The following DIDO1 variants were observed in gnomAD, a reference collection of about 807,000 sequenced individuals.
The protein encoded by DIDO1 is death inducer-obliterator 1.
In DIDO1, 16 loss-of-function variants were observed where a neutral mutation model predicts 99.4. The observed-to-expected ratio is 0.16, with a 90% CI of 0.11 to 0.24. The LOEUF is 0.24. Among genes scored for constraint, DIDO1 ranks in the 10% least tolerant of loss-of-function variants. DIDO1 has a pLI of 1.00. For missense variants in DIDO1, 2,996 were observed against 3,014.0 expected, an observed-to-expected ratio of 0.99 and a Z score of 0.14; for synonymous variants, 1,366 against 1,239.1, an observed-to-expected ratio of 1.10 and a Z score of -2.15.
In DIDO1 at chr20:62,911,549, C is replaced by T. The variant is rs1472940093; in HGVS notation, c.64G>A (p.Glu22Lys). ...CGAAAACCCCATGTTTTCCTGAACT[C>T]TTTGCTGGTGGGTTTGATGGCCTTA... ...APKAIKPTSKEFRKTWGFRRT... is the reference protein window; with the variant it reads ...APKAIKPTSKKFRKTWGFRRT... Residue 22 changes from glutamate (E) to lysine (K), a missense_variant, in exon 3 of 16, where the codon GAG (glutamate) becomes AAG (lysine). Physicochemically the swap from Glu to Lys is moderately conservative, Grantham distance 56 (BLOSUM62 1). Around this residue, in one of 5 missense-constraint regions of DIDO1, gnomAD observed 388 missense variants for 376.6 expected, o/e 1.03. Transcript: ENST00000395343. This position sits in a 1 kb window ranked among gnomAD's most constrained non-coding sequence, Gnocchi z 7.0. 1 of 1,611,524 alleles carries T rather than the reference C, an allele frequency of 6.2e-7. No individual in the cohort carries two copies. The highest frequency in any genetic ancestry group is 8.5e-7 in the Non-Finnish European group (1 of 1,178,776).
chr20:62,933,039 C>T (rs920976956), intron 1 of DIDO1, among the ~76,000 whole-genome samples: 21 of 152,254 alleles, frequency 1.4e-4, no homozygotes, highest in African/African-American at 5.1e-4. Flanking sequence ...ATGAAGAAAC[C>T]CCATCTCTAC....
chr20:62,882,182 A>G lies in DIDO1; in HGVS notation c.3774T>C (p.Pro1258=), dbSNP rs1568827153. The change falls in exon 16 of 16, where the codon CCT becomes CCC. Residue 1258 remains proline (P), a synonymous_variant. Coordinates refer to ENST00000395343, the MANE Select transcript of DIDO1 (RefSeq NM_001193369.2). ...GAGGGGGCGGAGGCGGCGGCGACCC[A>G]GGAGGTGTGGTGCTGACAGCCGCGT... ...SADAAVSTTP[P]GSPPPPPPLP... is the part of the protein sequence containing the mutation. 2 of 1,613,416 alleles carry G rather than the reference A, an allele frequency of 1.2e-6. No homozygotes were observed. Among genetic ancestry groups the G allele is most frequent in the Non-Finnish European group, 1.7e-6 (2 of 1,180,018 alleles).
intron 6 of DIDO1, among the ~76,000 whole-genome samples, chr20:62,902,276 A>G (rs184486964): frequency 6.6e-6 from 1 of 152,352 alleles, no homozygotes; most frequent in Admixed American, 6.5e-5. Flanking sequence ...ACTTAAAAAT[A>G]ACAAAAGAAT....
At chr20:62,905,472 G>C in intron 6 of DIDO1, 1 of 1,542,600 alleles carries the variant, frequency 6.5e-7, no homozygotes, top group South Asian at 1.2e-5. Flanking sequence ...TGGACAATGT[G>C]GAAAAACTGA....
At chr20:62,915,381 G>A (rs2065019878) in intron 1 of DIDO1, among the ~76,000 whole-genome samples, 2 of 152,066 alleles carry the variant, frequency 1.3e-5, no homozygotes, top group Non-Finnish European at 2.9e-5. Flanking sequence ...TCTTCAATGT[G>A]GTAAAACTAT....
At chr20:62,905,593 T>C (rs1300882494) in intron 6 of DIDO1, 2 of 1,551,184 alleles carry the variant, frequency 1.3e-6, no homozygotes, top group Non-Finnish European at 1.7e-6. Context: ...TACGAATACT[T>C]ACCAGAGCCT....
At position 62,911,241 on chromosome 20, in the gene DIDO1, G is replaced by T; in HGVS notation, c.372C>A (p.Gly124=). 6.2e-7 allele frequency: 1 copy of T among 1,613,358 alleles called. No homozygotes were observed. The highest frequency in any genetic ancestry group is 2.2e-5 in the East Asian group (1 of 44,870). The part of the protein sequence containing the change: ...SVESASETRS[G]PQSASTAVKE... The stretch of plus-strand genomic sequence containing the variant: ...TCACAGCTGTGGAAGCAGACTGGGG[G>T]CCGCTTCTGGTCTCAGAAGCGCTTT... Residue 124 remains glycine, a synonymous_variant, in exon 3 of 16, where the codon GGC becomes GGA. Coordinates refer to ENST00000395343, the MANE Select transcript of DIDO1 (RefSeq NM_001193369.2). The surrounding 1 kb of genome is among the most constrained non-coding windows in gnomAD (Gnocchi z 7.0).
chr20:62,879,208 A>G lies in DIDO1; in HGVS notation c.*25T>C. 2 of 1,461,410 alleles carry G rather than the reference A, an allele frequency of 1.4e-6. No individual in the cohort carries two copies. Among genetic ancestry groups the G allele is most frequent in the Non-Finnish European group, 1.8e-6 (2 of 1,112,084 alleles). 90.5% of individuals were successfully genotyped at this position (1,461,410 alleles called of 1,614,324 possible). ...CGCATCTTACGAACGTGGCTTTAAAAAGGGTCTCTGCCCGGCCGGGGCGTC... is the reference window on the plus strand; with the variant it reads ...CGCATCTTACGAACGTGGCTTTAAAGAGGGTCTCTGCCCGGCCGGGGCGTC... On this transcript the variant is annotated 3_prime_UTR_variant, in exon 16 of 16. Coordinates refer to ENST00000395343, the MANE Select transcript of DIDO1 (RefSeq NM_001193369.2). The surrounding 1 kb of genome is among the most constrained non-coding windows in gnomAD (Gnocchi z 6.3).
intron 1 of DIDO1, among the ~76,000 whole-genome samples, chr20:62,924,563 T>A (rs2065217340): frequency 6.6e-6 from 1 of 152,122 alleles, no homozygotes; most frequent in Non-Finnish European, 1.5e-5. Context: ...ACTCACAGTA[T>A]CAACAGCAGA....
At chr20:62,936,813 G>A (rs1287712938) in intron 1 of DIDO1, among the ~76,000 whole-genome samples, 1 of 152,230 alleles carries the variant, frequency 6.6e-6, no homozygotes, top group African/African-American at 2.4e-5. Flanking sequence ...GCAGTGAGCC[G>A]AGATGGCGCC....
intron 1 of DIDO1, among the ~76,000 whole-genome samples, chr20:62,932,833 G>C (rs1601056082): frequency 6.6e-6 from 1 of 152,370 alleles, no homozygotes; most frequent in East Asian, 1.9e-4. Flanking sequence ...CAGGCAAAAA[G>C]AGGGAGGGGG....
At position 62,919,577 on chromosome 20, in the gene DIDO1, C is replaced by A. The variant is rs114534026; in HGVS notation, c.-199-5171G>T. ...AAAAAAAGCAGCAAGGGTGCCACAA[C>A]ACAGTATGTTTCTCACAAAGAAAAT... On this transcript the variant is annotated intron_variant, in intron 1 of 15. Coordinates refer to ENST00000395343, the MANE Select transcript of DIDO1 (RefSeq NM_001193369.2). 5.8e-3 allele frequency among the ~76,000 whole-genome samples: 885 copies of A among 151,840 alleles called. 5 individuals are homozygous for A. The highest frequency in any genetic ancestry group is 0.02 in the African/African-American group (817 of 41,456).
intron 6 of DIDO1, among the ~76,000 whole-genome samples, chr20:62,900,092 A>G (rs930649703): frequency 1.3e-5 from 2 of 152,138 alleles, no homozygotes; most frequent in South Asian, 2.1e-4. Flanking sequence ...TCAGGGTACG[A>G]GCCTCCCCTA....
chr20:62,907,542 T>C (rs1600987666), intron 4 of DIDO1, among the ~76,000 whole-genome samples, 183 bp from the exon 5 acceptor site: 1 of 152,236 alleles, frequency 6.6e-6, no homozygotes, highest in East Asian at 1.9e-4. Flanking sequence ...GGTAAGGCAT[T>C]CACACTGTCA....
At position 62,879,854 on chromosome 20, in the gene DIDO1, C is replaced by T. The variant is rs1244297710; in HGVS notation, c.6102G>A (p.Pro2034=). ...RPLLELPSHP[P]QHRKDRWEEA... ...CCTCCCAGCGGTCCTTCCGGTGCTG[C>T]GGGGGGTGGCTGGGAAGCTCCAGCA... Residue 2034 remains proline, a synonymous_variant, in exon 16 of 16, where the codon CCG becomes CCA. Coordinates refer to ENST00000395343, the MANE Select transcript of DIDO1 (RefSeq NM_001193369.2). The surrounding 1 kb of genome is among the most constrained non-coding windows in gnomAD (Gnocchi z 6.3). 3.1e-6 allele frequency: 5 copies of T among 1,597,338 alleles called. No homozygotes were observed. In the East Asian group the frequency reaches 8.9e-5, roughly 29 times the overall value.
chr20:62,915,254 G>C (rs951273336), intron 1 of DIDO1, among the ~76,000 whole-genome samples: 20 of 152,130 alleles, frequency 1.3e-4, no homozygotes, highest in Non-Finnish European at 4.4e-5. Context: ...TTGAGCCCAG[G>C]AGTTCAACAC....
At chr20:62,900,700 C>T (rs143070819) in intron 6 of DIDO1, among the ~76,000 whole-genome samples, 173 of 152,340 alleles carry the variant, frequency 1.1e-3, no homozygotes, top group African/African-American at 3.7e-3. Context: ...CACGCCCTCA[C>T]GTAGGTGTTG....
In DIDO1 at chr20:62,896,948, G is replaced by T. The variant is rs376609727; in HGVS notation, c.1637C>A (p.Ala546Asp). 4 of 1,613,342 alleles carry T rather than the reference G, an allele frequency of 2.5e-6. No homozygotes were observed. In the African/African-American group the frequency reaches 5.3e-5, roughly 22 times the overall value. The change falls in exon 7 of 16, where the codon GCC (alanine) becomes GAC (aspartate). Residue 546 changes from alanine (A) to aspartate (D), a missense_variant. This residue lies in a region of DIDO1 where 898 missense variants were observed against 972.7 expected (regional missense o/e 0.92). Transcript: ENST00000395343. The surrounding 1 kb of genome is among the most constrained non-coding windows in gnomAD (Gnocchi z 4.4). ...GCCTGGAGGGGCTGTTTTCTTTGAGGCTGCCATGGCTGCCGCTTTCTCCTC... is the reference window on the plus strand; with the variant it reads ...GCCTGGAGGGGCTGTTTTCTTTGAGTCTGCCATGGCTGCCGCTTTCTCCTC... The part of the protein sequence containing the change: ...RSEEKAAAMA[A>D]SKKTAPPGSA...
intron 15 of DIDO1, chr20:62,890,021 C>T (rs1187784910): frequency 1.9e-5 from 19 of 985,352 alleles, no homozygotes; most frequent in Non-Finnish European, 2.3e-5. Flanking sequence ...AGGACCCCAG[C>T]TAGCTAGGGT....
Sources: allele counts gnomAD v4.1 joint callset (sites outside exome capture counted in the v4.1 genomes callset), GRCh38; gene constraint gnomAD v4.1.1; regional missense constraint gnomAD v4.1.1; non-coding constraint Gnocchi (gnomAD v3.1); transcripts MANE v1.5; gene names NCBI Gene and HGNC (gene_info 2026-07-23, HGNC 2026-07-21).